Variants in HIP1 observed in about 807,000 individuals in gnomAD.
HIP1 encodes huntingtin interacting protein 1, also known as huntingtin-interacting protein 1.
Under a neutral mutation model 147.6 loss-of-function variants are expected in HIP1, and 65 were observed. The ratio of observed to expected loss-of-function variants is 0.44; its 90% CI spans 0.36 to 0.54. The LOEUF (loss-of-function observed/expected upper bound fraction) is 0.54, where lower values mean the gene tolerates loss of function less well. HIP1 is among the 20% of genes least tolerant of loss of function. HIP1 has a pLI of 0.00. For missense variants in HIP1, 1,061 were observed against 1,299.6 expected, an observed-to-expected ratio of 0.82 and a Z score of 2.82; for synonymous variants, 479 against 504.0, an observed-to-expected ratio of 0.95 and a Z score of 0.67.
chr7:75,695,251 T>C (rs533278172), intron 1 of HIP1, among the ~76,000 whole-genome samples: 3 of 152,274 alleles, frequency 2.0e-5, no homozygotes, highest in African/African-American at 7.2e-5. Context: ...TGGGGACTCC[T>C]AAATGTCAGA....
chr7:75,679,789 C>G lies in HIP1; in HGVS notation c.120+59012G>C, dbSNP rs1260270547. ...CCTTGGTGGTCTCCAACAGCCCATG[C>G]CTTTAACTACCACCTATACACCAAC... On this transcript the variant is annotated intron_variant, in intron 1 of 30. Coordinates refer to ENST00000336926, the MANE Select transcript of HIP1 (RefSeq NM_005338.7). Among the ~76,000 whole-genome samples, 6 of 152,276 alleles carry G rather than the reference C, an allele frequency of 3.9e-5. 1 individual carries two copies. The East Asian group carries it at 1.2e-3, about 29-fold the overall frequency.
chr7:75,542,396 A>G (rs1563188777), intron 28 of HIP1, among the ~76,000 whole-genome samples: 1 of 151,050 alleles, frequency 6.6e-6, no homozygotes, highest in Non-Finnish European at 1.5e-5. Context: ...GACTCCATCT[A>G]AAAAAAAGAA....
intron 2 of HIP1, among the ~76,000 whole-genome samples, chr7:75,595,240 CTTTCTTTCTTT>C (rs1796669774): frequency 9.4e-4 from 109 of 116,014 alleles, no homozygotes; most frequent in African/African-American, 2.9e-3. Context: ...TTCTTTCTTT[CTTTCTTTCTTT>C]CTTCCTTCCT....
intron 1 of HIP1, among the ~76,000 whole-genome samples, chr7:75,605,685 A>G (rs1797197790): frequency 1.3e-5 from 2 of 152,086 alleles, no homozygotes; most frequent in Non-Finnish European, 2.9e-5. Context: ...ATAGTTGCAC[A>G]TTACCACGCC....
chr7:75,683,735 C>T (rs1474025793), intron 1 of HIP1, among the ~76,000 whole-genome samples: 2 of 152,170 alleles, frequency 1.3e-5, no homozygotes, highest in Admixed American at 6.6e-5. Context: ...GAAAAAAGGA[C>T]ACTTGCTCCC....
chr7:75,614,512 G>A (rs955782561), intron 1 of HIP1, among the ~76,000 whole-genome samples: 11 of 107,822 alleles, frequency 1.0e-4, no homozygotes, highest in Admixed American at 3.8e-4. Flanking sequence ...GCTCAGAATG[G>A]GCAGATCCAT....
intron 1 of HIP1, among the ~76,000 whole-genome samples, chr7:75,650,383 A>C (rs146387440): frequency 6.6e-6 from 1 of 151,248 alleles, no homozygotes; most frequent in African/African-American, 2.4e-5. Context: ...CCAGCCTTGT[A>C]CTGGGGAGAG....
At chr7:75,571,592 TA>T (rs1795634908) in intron 8 of HIP1, among the ~76,000 whole-genome samples, 1 of 152,196 alleles carries the variant, frequency 6.6e-6, no homozygotes, top group Non-Finnish European at 1.5e-5. Context: ...TTATTTATTT[TA>T]TTTTTTTTAG....
intron 1 of HIP1, among the ~76,000 whole-genome samples, chr7:75,668,030 C>A (rs909023161): frequency 3.9e-5 from 6 of 152,216 alleles, no homozygotes; most frequent in African/African-American, 2.4e-5. Context: ...GTCAGGTACA[C>A]TTCAAGGTGA....
intron 2 of HIP1, among the ~76,000 whole-genome samples, chr7:75,595,315 TTCCC>T (rs1362913203): frequency 1.3e-5 from 2 of 149,320 alleles, no homozygotes; most frequent in Non-Finnish European, 3.0e-5. Flanking sequence ...CCTTCCTTCC[TTCCC>T]TCCCTCTCTC....
At chr7:75,593,629 C>CAA (rs34062007) in intron 2 of HIP1, among the ~76,000 whole-genome samples, 9,520 of 72,020 alleles carry the variant, frequency 0.13, 908 homozygotes, top group African/African-American at 0.24. Flanking sequence ...GACTCCATCT[C>CAA]AAAAAAAAAA....
In HIP1 at chr7:75,586,833, C is replaced by A; in HGVS notation, c.385G>T (p.Gly129Cys). 1 of 1,608,358 alleles carries A rather than the reference C, an allele frequency of 6.2e-7. No individual in the cohort carries two copies. The highest frequency in any genetic ancestry group is 2.2e-5 in the East Asian group (1 of 44,816). The change falls in exon 5 of 31, where the codon GGC becomes TGC. Residue 129 changes from glycine to cysteine, a missense_variant and splice_region_variant. Gly to Cys is a radical substitution (Grantham distance 159). This residue lies in a region of HIP1 where 225 missense variants were observed against 292.9 expected (regional missense o/e 0.77). Coordinates refer to ENST00000336926, the MANE Select transcript of HIP1 (RefSeq NM_005338.7). The stretch of plus-strand genomic sequence containing the variant: ...TGGCCATACCCCTCGCTCAGGTGGC[C>A]CTTTTAGGAAGAGGAGGGGAAACAG... Reference protein sequence around the residue: ...NELSDMSRMWGHLSEGYGQLC... With the variant: ...NELSDMSRMWCHLSEGYGQLC...
At chr7:75,565,895 G>A (rs185465241) in intron 9 of HIP1, among the ~76,000 whole-genome samples, 1 of 146,168 alleles carries the variant, frequency 6.8e-6, no homozygotes, top group East Asian at 1.9e-4. Flanking sequence ...TGTATTTACA[G>A]TAGAGACAGG....
At chr7:75,653,028 A>G (rs1554512188) in intron 1 of HIP1, among the ~76,000 whole-genome samples, 2 of 152,180 alleles carry the variant, frequency 1.3e-5, no homozygotes, top group African/African-American at 4.8e-5. Flanking sequence ...GGGTGCCCAG[A>G]TATTTGGCTA....
intron 1 of HIP1, among the ~76,000 whole-genome samples, chr7:75,683,653 C>T (rs1364615543): frequency 6.6e-6 from 1 of 152,186 alleles, no homozygotes. Flanking sequence ...ACCACGTCCT[C>T]CACCTGATGC....
intron 1 of HIP1, among the ~76,000 whole-genome samples, chr7:75,726,249 GC>G (rs1801646305): frequency 6.6e-6 from 1 of 151,000 alleles, no homozygotes; most frequent in Non-Finnish European, 1.5e-5. Context: ...CAATGTGGTT[GC>G]CCCAGTTTAC....
At chr7:75,552,025 GATTACAGGC>G (rs1344759479) in intron 22 of HIP1, among the ~76,000 whole-genome samples, 1 of 152,088 alleles carries the variant, frequency 6.6e-6, no homozygotes, top group Non-Finnish European at 1.5e-5. Context: ...AAGTAGCTGG[GATTACAGGC>G]GCCTACCATC....
chr7:75,561,198 C>T (rs1295857128), intron 13 of HIP1, 131 bp downstream of exon 13: 4 of 760,652 alleles, frequency 5.3e-6, no homozygotes, highest in South Asian at 4.4e-5. Flanking sequence ...AGGTAATCCT[C>T]CTGCCTTGGC....
At position 75,538,053 on chromosome 7, in the gene HIP1, G is replaced by A; in HGVS notation, c.*119C>T. Reference sequence around the variant, plus strand: ...GTGTCATGCATGTCCTCGGCACTGGGTAATGGCAGTGGTGTGGCTGCCCCT... The same window carrying A: ...GTGTCATGCATGTCCTCGGCACTGGATAATGGCAGTGGTGTGGCTGCCCCT... On this transcript the variant is annotated 3_prime_UTR_variant, in exon 31 of 31. Transcript: ENST00000336926. The A allele has an allele frequency of 1.2e-6, 1 of 806,188 alleles. No individual in the cohort carries two copies. 49.9% of individuals were successfully genotyped at this position (806,188 alleles called of 1,614,324 possible).
Sources: allele counts gnomAD v4.1 joint callset (sites outside exome capture counted in the v4.1 genomes callset), GRCh38; gene constraint gnomAD v4.1.1; regional missense constraint gnomAD v4.1.1; transcripts MANE v1.5; gene names NCBI Gene and HGNC (gene_info 2026-07-23, HGNC 2026-07-21).